HS6ST3: variants seen among roughly 807,000 people sequenced by gnomAD.
HS6ST3 encodes heparan sulfate 6-O-sulfotransferase 3.
In HS6ST3, 12 loss-of-function variants were observed where a neutral mutation model predicts 36.7. The ratio of observed to expected loss-of-function variants is 0.33; its 90% CI spans 0.21 to 0.53. The LOEUF is 0.53. HS6ST3 is among the 20% of genes least tolerant of loss of function. The pLI is 0.95. For missense variants in HS6ST3, 584 were observed against 640.9 expected, an observed-to-expected ratio of 0.91 and a Z score of 0.96; for synonymous variants, 240 against 257.5, an observed-to-expected ratio of 0.93 and a Z score of 0.65.
At chr13:96,471,878 A>AT (rs1201102815) in intron 1 of HS6ST3, among the ~76,000 whole-genome samples, 2 of 151,974 alleles carry the variant, frequency 1.3e-5, no homozygotes, top group Non-Finnish European at 2.9e-5. Context: ...ACATGCATCT[A>AT]TTTTTCTTGT....
chr13:96,505,578 G>T (rs1034185468), intron 1 of HS6ST3, among the ~76,000 whole-genome samples: 1 of 152,094 alleles, frequency 6.6e-6, no homozygotes, highest in Non-Finnish European at 1.5e-5. Flanking sequence ...CACTTGGATT[G>T]AAATGAATTG....
chr13:96,325,723 G>A (rs370912006), intron 1 of HS6ST3, among the ~76,000 whole-genome samples: 2 of 152,142 alleles, frequency 1.3e-5, no homozygotes, highest in East Asian at 3.9e-4. Context: ...TAATGACTGG[G>A]ACTATGAATG....
intron 1 of HS6ST3, among the ~76,000 whole-genome samples, chr13:96,609,110 T>C (rs112297627): frequency 0.048 from 7,198 of 151,338 alleles, 486 homozygotes; most frequent in African/African-American, 0.15. Context: ...GCTGGGACTA[T>C]AGGCGCCCGC....
intron 1 of HS6ST3, among the ~76,000 whole-genome samples, chr13:96,554,516 CT>C (rs927322742): frequency 1.4e-4 from 22 of 152,106 alleles, no homozygotes; most frequent in Non-Finnish European, 3.2e-4. Flanking sequence ...GTATAAATAA[CT>C]TTTTATTTTG....
At chr13:96,783,950 A>G (rs1877582192) in intron 1 of HS6ST3, among the ~76,000 whole-genome samples, 1 of 152,168 alleles carries the variant, frequency 6.6e-6, no homozygotes. Flanking sequence ...TACCCTGAAG[A>G]AAGAAATATT....
At chr13:96,160,000 C>A (rs2054128454) in intron 1 of HS6ST3, among the ~76,000 whole-genome samples, 1 of 152,088 alleles carries the variant, frequency 6.6e-6, no homozygotes, top group East Asian at 1.9e-4. Flanking sequence ...AATGCAGTAA[C>A]AATAGAATCT....
intron 1 of HS6ST3, among the ~76,000 whole-genome samples, chr13:96,715,882 C>T (rs1875682779): frequency 1.3e-5 from 2 of 152,032 alleles, no homozygotes; most frequent in Non-Finnish European, 2.9e-5. Flanking sequence ...TATTGCTGCT[C>T]TCCTGGAGAC....
chr13:96,491,424 T>C (rs1300240658), intron 1 of HS6ST3, among the ~76,000 whole-genome samples: 1 of 151,346 alleles, frequency 6.6e-6, no homozygotes, highest in Non-Finnish European at 1.5e-5. Flanking sequence ...GAAAATGATT[T>C]TCTTAATATA....
At chr13:96,455,269 A>G (rs1372737666) in intron 1 of HS6ST3, among the ~76,000 whole-genome samples, 3 of 152,188 alleles carry the variant, frequency 2.0e-5, no homozygotes, top group African/African-American at 7.2e-5. Context: ...TCTGTCACCC[A>G]GGCTGGAGTG....
chr13:96,593,174 CTTTT>C (rs35380296), intron 1 of HS6ST3, among the ~76,000 whole-genome samples: 5 of 46,618 alleles, frequency 1.1e-4, no homozygotes, highest in Admixed American at 8.8e-4. Context: ...TTCTTTCTTT[CTTTT>C]TTTTTTTTTT....
chr13:96,101,370 T>G (rs2053817432), intron 1 of HS6ST3, among the ~76,000 whole-genome samples: 1 of 152,174 alleles, frequency 6.6e-6, no homozygotes, highest in Non-Finnish European at 1.5e-5. Context: ...AGAAATTCAT[T>G]GTGTCATGTT....
At chr13:96,718,541 G>T (rs1321602807) in intron 1 of HS6ST3, among the ~76,000 whole-genome samples, 1 of 152,040 alleles carries the variant, frequency 6.6e-6, no homozygotes, top group Non-Finnish European at 1.5e-5. Flanking sequence ...CTAATTTAGG[G>T]ATCCACCAAA....
chr13:96,351,516 T>C lies in HS6ST3; in HGVS notation c.707+259947T>C, dbSNP rs565901563. Among the ~76,000 whole-genome samples the C allele has an allele frequency of 7.2e-5, 11 of 152,182 alleles. No homozygotes were observed. The South Asian group carries it at 2.3e-3, about 32-fold the overall frequency. On this transcript the variant is annotated intron_variant, in intron 1 of 1. Coordinates refer to ENST00000376705, the MANE Select transcript of HS6ST3 (RefSeq NM_153456.4). Reference sequence around the variant, plus strand: ...TTGTAGAGACAGGGTTTCACTGCATTGCCCAGGCTGCTCTTGAATTCCTGG... The same window carrying C: ...TTGTAGAGACAGGGTTTCACTGCATCGCCCAGGCTGCTCTTGAATTCCTGG...
chr13:96,570,481 A>C (rs1221529684), intron 1 of HS6ST3, among the ~76,000 whole-genome samples: 3 of 152,226 alleles, frequency 2.0e-5, no homozygotes, highest in Non-Finnish European at 4.4e-5. Context: ...ACAAAGCTGC[A>C]GGCACTCTGG....
chr13:96,795,211 C>T (rs1028798719), intron 1 of HS6ST3, among the ~76,000 whole-genome samples: 2 of 151,812 alleles, frequency 1.3e-5, no homozygotes, highest in Non-Finnish European at 2.9e-5. Context: ...ATACACCTAC[C>T]TTTATAAGTG....
intron 1 of HS6ST3, among the ~76,000 whole-genome samples, chr13:96,432,865 T>C (rs2055622239): frequency 6.6e-6 from 1 of 152,216 alleles, no homozygotes; most frequent in African/African-American, 2.4e-5. Context: ...ATGAAATTAG[T>C]ACCAATAAAA....
At chr13:96,118,962 G>A (rs902881140) in intron 1 of HS6ST3, among the ~76,000 whole-genome samples, 1 of 149,718 alleles carries the variant, frequency 6.7e-6, no homozygotes, top group African/African-American at 2.5e-5. Context: ...CACCCGCCTC[G>A]GCCTCCCAAA....
At chr13:96,585,020 C>G (rs1376646681) in intron 1 of HS6ST3, among the ~76,000 whole-genome samples, 1 of 152,126 alleles carries the variant, frequency 6.6e-6, no homozygotes, top group African/African-American at 2.4e-5. Flanking sequence ...CAATGCATGT[C>G]TTTTACAGTG....
chr13:96,783,650 G>T (rs1406571489), intron 1 of HS6ST3, among the ~76,000 whole-genome samples: 1 of 151,680 alleles, frequency 6.6e-6, no homozygotes, highest in East Asian at 1.9e-4. Context: ...TTATGGACAG[G>T]ATGGAGCCAC....
Sources: gnomAD v4.1 joint callset for allele counts (sites outside exome capture counted in the v4.1 genomes callset) on GRCh38, gnomAD v4.1.1 for gene constraint, MANE v1.5 for transcripts, NCBI Gene and HGNC (gene_info 2026-07-23, HGNC 2026-07-21) for gene names.